OPCML: variants seen among roughly 807,000 people sequenced by gnomAD.
OPCML encodes the protein opioid binding protein/cell adhesion molecule like.
OPCML carries 13 observed loss-of-function variants against 37.8 expected under a neutral mutation model. That is an observed-to-expected ratio of 0.34 (90% CI 0.22 to 0.55). The LOEUF is 0.55. OPCML is among the 20% of genes least tolerant of loss of function. The pLI, the probability that OPCML is intolerant of heterozygous loss-of-function variation, is 0.91. For synonymous variants in OPCML, 176 were observed against 168.8 expected (o/e 1.04, Z -0.33); for missense variants, 341 against 435.6 (o/e 0.78, Z 1.93).
intron 3 of OPCML, among the ~76,000 whole-genome samples, chr11:132,619,090 T>C (rs1939237015): frequency 6.6e-6 from 1 of 152,054 alleles, no homozygotes; most frequent in Non-Finnish European, 1.5e-5. Context: ...GCTCTCACCA[T>C]AGCTATCTCT....
At chr11:133,286,918 G>C (rs1052053251) in intron 1 of OPCML, among the ~76,000 whole-genome samples, 2 of 152,210 alleles carry the variant, frequency 1.3e-5, no homozygotes, top group African/African-American at 4.8e-5. Flanking sequence ...TTTAGAAAAA[G>C]TGAAATATAT....
At chr11:132,862,544 G>T (rs1441296079) in intron 2 of OPCML, among the ~76,000 whole-genome samples, 2 of 151,768 alleles carry the variant, frequency 1.3e-5, no homozygotes, top group Non-Finnish European at 2.9e-5. Flanking sequence ...AGGTCAAACT[G>T]CTAGTTGGGA....
intron 1 of OPCML, among the ~76,000 whole-genome samples, chr11:133,140,757 A>AGAT (rs1555102366): frequency 1.6e-5 from 1 of 62,940 alleles, no homozygotes; most frequent in Admixed American, 2.5e-4. Context: ...AGGAAGAAGA[A>AGAT]GACGACGAAG....
chr11:133,327,312 G>C, intron 1 of OPCML, among the ~76,000 whole-genome samples: 1 of 151,828 alleles, frequency 6.6e-6, no homozygotes, highest in Non-Finnish European at 1.5e-5. Context: ...TGTACTAGAA[G>C]GATCCATTTG....
At chr11:133,308,227 G>A (rs930573686) in intron 1 of OPCML, among the ~76,000 whole-genome samples, 13 of 152,106 alleles carry the variant, frequency 8.5e-5, no homozygotes, top group Non-Finnish European at 1.9e-4. Context: ...GGTTTAACCA[G>A]CAGATAAAGA....
At chr11:133,094,487 C>T (rs1015323248) in intron 1 of OPCML, among the ~76,000 whole-genome samples, 1 of 152,178 alleles carries the variant, frequency 6.6e-6, no homozygotes, top group African/African-American at 2.4e-5. Flanking sequence ...CCTTTCAATG[C>T]CACCATCTCA....
At chr11:133,421,338 G>C in intron 1 of OPCML, 1 of 985,392 alleles carries the variant, frequency 1.0e-6, no homozygotes, top group Non-Finnish European at 1.2e-6. Flanking sequence ...AGCAGTACAG[G>C]AAATGATTAC....
chr11:132,954,622 C>T lies in OPCML; in HGVS notation c.62-11612G>A, dbSNP rs548892874. On this transcript the variant is annotated intron_variant, in intron 1 of 7. Transcript: ENST00000524381. ...GGGCTGGTGAAACATCCAAGTAAAACTACGCTGTTGGCATTTGGATATTTC... is the reference window on the plus strand; with the variant it reads ...GGGCTGGTGAAACATCCAAGTAAAATTACGCTGTTGGCATTTGGATATTTC... Among the ~76,000 whole-genome samples, 6 of 152,242 alleles carry T rather than the reference C, an allele frequency of 3.9e-5. 1 individual carries two copies. The South Asian group carries it at 1.2e-3, about 32-fold the overall frequency.
intron 4 of OPCML, among the ~76,000 whole-genome samples, chr11:132,505,766 AAGAG>A (rs768970353): frequency 3.3e-5 from 5 of 152,144 alleles, no homozygotes; most frequent in African/African-American, 7.2e-5. Flanking sequence ...TTAAGAAAGC[AAGAG>A]AAAGACAAAA....
intron 1 of OPCML, among the ~76,000 whole-genome samples, chr11:133,488,118 A>G (rs757506154): frequency 1.3e-5 from 2 of 152,204 alleles, no homozygotes; most frequent in South Asian, 2.1e-4. Context: ...ACACACCTCA[A>G]CATAATAAAG....
intron 1 of OPCML, among the ~76,000 whole-genome samples, chr11:133,075,537 T>G (rs533963000): frequency 8.5e-5 from 13 of 152,206 alleles, no homozygotes; most frequent in Non-Finnish European, 1.6e-4. Context: ...GGCTCTGCTC[T>G]GAAGCCGGAC....
intron 1 of OPCML, chr11:133,008,857 A>T (rs570088810): frequency 1.0e-6 from 1 of 984,212 alleles, no homozygotes; most frequent in Non-Finnish European, 1.2e-6. Context: ...CTGAGAGTCA[A>T]TTTTCATGGA....
intron 1 of OPCML, among the ~76,000 whole-genome samples, chr11:133,102,534 G>A (rs1949098391): frequency 6.6e-6 from 1 of 152,132 alleles, no homozygotes; most frequent in South Asian, 2.1e-4. Context: ...GGATCACGAG[G>A]TCAGGAGATC....
chr11:132,727,445 C>A (rs1272379200), intron 2 of OPCML, among the ~76,000 whole-genome samples: 1 of 152,152 alleles, frequency 6.6e-6, no homozygotes, highest in Non-Finnish European at 1.5e-5. Context: ...CCAGGGCTCT[C>A]CTGGGGAGGA....
intron 1 of OPCML, among the ~76,000 whole-genome samples, chr11:133,052,314 A>T (rs145280586): frequency 2.0e-5 from 3 of 152,338 alleles, no homozygotes; most frequent in East Asian, 3.9e-4. Context: ...TTATAGAATA[A>T]TCATTTGAGG....
chr11:133,098,961 G>A (rs1949045889), intron 1 of OPCML, among the ~76,000 whole-genome samples: 1 of 152,088 alleles, frequency 6.6e-6, no homozygotes. Context: ...AACCAACTTA[G>A]CAATTATAGC....
intron 2 of OPCML, among the ~76,000 whole-genome samples, chr11:132,705,318 C>T (rs1290844957): frequency 6.6e-6 from 1 of 152,106 alleles, no homozygotes; most frequent in African/African-American, 2.4e-5. Context: ...TGGCTGGGCA[C>T]TGTGGTTCAT....
chr11:133,181,481 A>G (rs571869474), intron 1 of OPCML, among the ~76,000 whole-genome samples: 10 of 151,996 alleles, frequency 6.6e-5, no homozygotes, highest in Non-Finnish European at 1.3e-4. Context: ...AAATTTACAA[A>G]GTGGGGGGAA....
chr11:132,893,387 G>A (rs1298302440), intron 2 of OPCML, among the ~76,000 whole-genome samples: 6 of 152,274 alleles, frequency 3.9e-5, no homozygotes, highest in African/African-American at 7.2e-5. Flanking sequence ...GCCCCACCCC[G>A]GTGCAGCCCT....
Sources: allele counts gnomAD v4.1 joint callset (sites outside exome capture counted in the v4.1 genomes callset), GRCh38; gene constraint gnomAD v4.1.1; transcripts MANE v1.5; gene names NCBI Gene and HGNC (gene_info 2026-07-23, HGNC 2026-07-21).